The following MDFIC variants were observed in gnomAD, a reference collection of about 807,000 sequenced individuals.
MDFIC encodes MyoD family inhibitor domain containing.
A neutral mutation model predicts 23.2 loss-of-function variants in MDFIC; 17 were observed. The ratio of observed to expected loss-of-function variants is 0.73; its 90% CI spans 0.50 to 1.10. The LOEUF (loss-of-function observed/expected upper bound fraction) is 1.10, where lower values mean the gene tolerates loss of function less well. Among genes scored for constraint, MDFIC ranks in the 50% least tolerant of loss-of-function variants. The pLI is 0.00. For missense variants in MDFIC, 356 were observed against 316.6 expected (o/e 1.12, Z -0.95); for synonymous variants, 120 against 115.2 (o/e 1.04, Z -0.27).
rs184892559 is a variant in MDFIC at position 115,007,430 on chromosome 7, T to C, written c.494-8258T>C. On this transcript the variant is annotated intron_variant, in intron 4 of 4. Transcript: ENST00000393486. ...AAAATGTAGAGATTCAGTATGTGAA[T>C]GTAAATATTATTTGCACCATTGATA... is the stretch of plus-strand genomic sequence containing the variant. Among the ~76,000 whole-genome samples, 718 of 152,080 alleles carry C rather than the reference T, an allele frequency of 4.7e-3. 4 individuals carry two copies. Among genetic ancestry groups the C allele is most frequent in the Non-Finnish European group, 7.1e-3 (481 of 68,004 alleles).
At chr7:114,931,039 C>T (rs1156622780) in intron 2 of MDFIC, among the ~76,000 whole-genome samples, 1 of 152,060 alleles carries the variant, frequency 6.6e-6, no homozygotes, top group Non-Finnish European at 1.5e-5. Context: ...GATACTTGAT[C>T]TCTCTCTCTC....
chr7:114,931,536 G>T (rs1489069853), intron 2 of MDFIC, among the ~76,000 whole-genome samples: 1 of 152,072 alleles, frequency 6.6e-6, no homozygotes, highest in East Asian at 1.9e-4. Context: ...GTATAGTTTT[G>T]CCCACAATGA....
rs1381744768 is a variant in MDFIC, at chr7:115,016,627, AGAGC to A, written c.*696_*699del. On this transcript the variant is annotated 3_prime_UTR_variant, in exon 5 of 5. Coordinates refer to ENST00000393486, the MANE Select transcript of MDFIC (RefSeq NM_001166345.3). ...CAACCTGCACTCCAGCCTGGGCAAC[AGAGC>A]GAGACTCCATCTCTAAATAAATAAA... 6.4e-6 allele frequency: 1 copy of A among 155,496 alleles called. No homozygotes were observed. The highest frequency in any genetic ancestry group is 2.4e-5 in the African/African-American group (1 of 41,144). The allele number at this position is 155,496 out of a possible 1,614,324, so 9.6% of individuals were successfully genotyped here.
rs777971289 is a variant in MDFIC, at chr7:114,928,254, A to T, written c.94+5127A>T. 3.3e-5 allele frequency among the ~76,000 whole-genome samples: 5 copies of T among 152,146 alleles called. No individual in the cohort carries two copies. The South Asian group carries it at 8.3e-4, about 25-fold the overall frequency. On this transcript the variant is annotated intron_variant, in intron 2 of 4. Coordinates refer to ENST00000393486, the MANE Select transcript of MDFIC (RefSeq NM_001166345.3). ...GAGGAAGGAAGTGGTTAAAGAAGAT[A>T]TATCTGTAAATTTAAGAAAGCATTT...
At chr7:115,014,006 G>C in intron 4 of MDFIC, 3 of 985,380 alleles carry the variant, frequency 3.0e-6, no homozygotes, top group Non-Finnish European at 3.6e-6. Context: ...ATATGTAAAA[G>C]TGGGCTTGGC....
intron 4 of MDFIC, among the ~76,000 whole-genome samples, chr7:114,984,991 C>A (rs1346754978): frequency 6.6e-6 from 1 of 152,014 alleles, no homozygotes; most frequent in Admixed American, 6.6e-5. Flanking sequence ...CAGTGAAGAG[C>A]GTTATGTAGA....
intron 4 of MDFIC, among the ~76,000 whole-genome samples, chr7:114,991,925 A>G (rs938661292): frequency 1.1e-4 from 17 of 152,190 alleles, no homozygotes; most frequent in African/African-American, 3.6e-4. Flanking sequence ...CATTGAATCT[A>G]TAAGTTACCT....
intron 4 of MDFIC, among the ~76,000 whole-genome samples, chr7:114,990,228 C>CT (rs1793581606): frequency 6.6e-6 from 1 of 152,074 alleles, no homozygotes; most frequent in African/African-American, 2.4e-5. Flanking sequence ...TTGTGATAAT[C>CT]TTTTACACAG....
At chr7:114,951,020 C>A (rs773167232) in intron 3 of MDFIC, among the ~76,000 whole-genome samples, 1 of 151,870 alleles carries the variant, frequency 6.6e-6, no homozygotes, top group African/African-American at 2.4e-5. Flanking sequence ...TAAAACAAAA[C>A]AAACACAAAA....
intron 3 of MDFIC, among the ~76,000 whole-genome samples, chr7:114,964,486 C>G (rs1793054761): frequency 8.9e-6 from 1 of 112,406 alleles, no homozygotes; most frequent in African/African-American, 3.0e-5. Flanking sequence ...ATGCCCTCCC[C>G]TCCCCTCCCC....
chr7:114,959,125 A>G (rs926819574), intron 3 of MDFIC, among the ~76,000 whole-genome samples: 8 of 152,208 alleles, frequency 5.3e-5, no homozygotes, highest in Admixed American at 5.2e-4. Context: ...AAAATGAACA[A>G]ACATAAGACC....
intron 3 of MDFIC, among the ~76,000 whole-genome samples, chr7:114,957,973 T>A (rs1792914452): frequency 6.6e-6 from 1 of 152,202 alleles, no homozygotes; most frequent in Non-Finnish European, 1.5e-5. Context: ...GTCATTTAAT[T>A]ATTAAAAGTT....
chr7:114,992,633 T>G (rs1424342723), intron 4 of MDFIC, among the ~76,000 whole-genome samples: 2 of 152,204 alleles, frequency 1.3e-5, no homozygotes, highest in Non-Finnish European at 2.9e-5. Flanking sequence ...TTGGTTCTGT[T>G]TATATGCTGG....
rs1486167205 is a variant in MDFIC, at chr7:114,922,429, A to G, written c.-315A>G. ...AAGAGGGGGCGGAGTGCGCGGAGTC[A>G]GAGCCGCCACCGCTGCCGCAGTTGC... On this transcript the variant is annotated 5_prime_UTR_variant, in exon 1 of 5. Transcript: ENST00000393486. 3.2e-6 allele frequency: 4 copies of G among 1,241,394 alleles called. No homozygotes were observed. In the East Asian group the frequency reaches 1.3e-4, roughly 39 times the overall value. 76.9% of individuals were successfully genotyped at this position (1,241,394 alleles called of 1,614,324 possible).
intron 3 of MDFIC, among the ~76,000 whole-genome samples, chr7:114,949,127 C>A (rs573614842): frequency 9.9e-5 from 15 of 152,212 alleles, no homozygotes; most frequent in Non-Finnish European, 2.1e-4. Context: ...TAATTTATTA[C>A]TTTACCTTTC....
At chr7:114,963,337 G>A (rs986017701) in intron 3 of MDFIC, among the ~76,000 whole-genome samples, 1 of 152,126 alleles carries the variant, frequency 6.6e-6, no homozygotes, top group African/African-American at 2.4e-5. Flanking sequence ...GTATTATCTA[G>A]CCACACTGGC....
At chr7:114,958,916 C>T (rs1385116227) in intron 3 of MDFIC, among the ~76,000 whole-genome samples, 1 of 152,176 alleles carries the variant, frequency 6.6e-6, no homozygotes, top group Non-Finnish European at 1.5e-5. Context: ...AGTTCCTTGT[C>T]CTCATTAAGC....
At chr7:114,971,808 A>G (rs1793210985) in intron 3 of MDFIC, among the ~76,000 whole-genome samples, 1 of 152,064 alleles carries the variant, frequency 6.6e-6, no homozygotes, top group East Asian at 1.9e-4. Flanking sequence ...AATGCTGATT[A>G]TTTTCTTTAA....
intron 4 of MDFIC, among the ~76,000 whole-genome samples, chr7:115,000,074 A>G (rs1791430418): frequency 1.3e-5 from 2 of 152,300 alleles, no homozygotes; most frequent in South Asian, 2.1e-4. Flanking sequence ...AATATTATCA[A>G]CTATAGTCAT....
Sources: allele counts gnomAD v4.1 joint callset (sites outside exome capture counted in the v4.1 genomes callset), GRCh38; gene constraint gnomAD v4.1.1; transcripts MANE v1.5; gene names NCBI Gene and HGNC (gene_info 2026-07-23, HGNC 2026-07-21).